Variants in DLC1 observed in about 807,000 individuals in gnomAD.
DLC1 encodes the protein DLC1 Rho GTPase activating protein, also known as rho GTPase-activating protein 7.
DLC1 carries 54 observed loss-of-function variants against 140.3 expected under a neutral mutation model. The observed-to-expected ratio is 0.38, with a 90% CI of 0.31 to 0.48. The LOEUF is 0.48. DLC1 is among the 20% of genes least tolerant of loss of function. DLC1 has a pLI of 0.96. For missense variants in DLC1, 2,536 were observed against 1,907.0 expected (o/e 1.33, Z -6.14); for synonymous variants, 986 against 728.1 (o/e 1.35, Z -5.70).
At chr8:13,587,635 T>C (rs1039034032) in intron 1 of DLC1, among the ~76,000 whole-genome samples, 4 of 148,928 alleles carry the variant, frequency 2.7e-5, no homozygotes, top group African/African-American at 9.8e-5. Context: ...ACATTGCCTA[T>C]ATATATATGT....
chr8:13,189,295 A>T (rs749149074), intron 5 of DLC1, among the ~76,000 whole-genome samples: 1 of 152,120 alleles, frequency 6.6e-6, no homozygotes, highest in Non-Finnish European at 1.5e-5. Context: ...TCTTTGCACC[A>T]ATACAAGTGG....
rs902291687 is a variant in DLC1, at chr8:13,282,604, G to T, written c.1348+22665C>A. On this transcript the variant is annotated intron_variant, in intron 5 of 17. Transcript: ENST00000276297. ...AGGGGGAAATAATTTCCTTTATTTTGTTCTTCATTTTATTTTATTCCTATT... is the reference window on the plus strand; with the variant it reads ...AGGGGGAAATAATTTCCTTTATTTTTTTCTTCATTTTATTTTATTCCTATT... Among the ~76,000 whole-genome samples the T allele has an allele frequency of 1.4e-4, 22 of 152,018 alleles. 3 individuals carry two copies. Among genetic ancestry groups the T allele is most frequent in the Admixed American group, 1.2e-3 (19 of 15,254 alleles).
intron 1 of DLC1, among the ~76,000 whole-genome samples, chr8:13,601,216 A>T (rs1805871739): frequency 6.6e-6 from 1 of 151,782 alleles, no homozygotes; most frequent in Non-Finnish European, 1.5e-5. Flanking sequence ...CCAGTAAGTT[A>T]GCTTTTCTCT....
rs573689651 is a variant in DLC1, at chr8:13,286,938, G to A, written c.1348+18331C>T. On this transcript the variant is annotated intron_variant, in intron 5 of 17. Transcript: ENST00000276297. Reference sequence around the variant, plus strand: ...CAGTCTGCAAACTTCAAGGGAAAGAGGGGATCTGAGGTGAAGGTTGAGCAC... The same window carrying A: ...CAGTCTGCAAACTTCAAGGGAAAGAAGGGATCTGAGGTGAAGGTTGAGCAC... Among the ~76,000 whole-genome samples the A allele has an allele frequency of 1.2e-4, 19 of 152,286 alleles. No individual in the cohort carries two copies. The South Asian group carries it at 3.9e-3, about 32-fold the overall frequency.
chr8:13,165,720 G>C (rs1325225677), intron 5 of DLC1, among the ~76,000 whole-genome samples: 1 of 152,174 alleles, frequency 6.6e-6, no homozygotes, highest in Non-Finnish European at 1.5e-5. Context: ...ACACCTTCCT[G>C]TATTCCCCTA....
At chr8:13,316,103 G>C (rs1258390881) in intron 4 of DLC1, among the ~76,000 whole-genome samples, 1 of 152,186 alleles carries the variant, frequency 6.6e-6, no homozygotes, top group Non-Finnish European at 1.5e-5. Context: ...GCTTAACAAA[G>C]TACACTCAGA....
chr8:13,358,379 A>C (rs549584525), intron 4 of DLC1, among the ~76,000 whole-genome samples: 1 of 152,294 alleles, frequency 6.6e-6, no homozygotes, highest in East Asian at 1.9e-4. Context: ...CCAAGGGTAT[A>C]TGCTCTCTGG....
chr8:13,527,292 A>T (rs997089736), intron 1 of DLC1, among the ~76,000 whole-genome samples: 4 of 152,148 alleles, frequency 2.6e-5, no homozygotes, highest in Non-Finnish European at 5.9e-5. Flanking sequence ...TTCTATCGGA[A>T]AATATACGAA....
intron 5 of DLC1, among the ~76,000 whole-genome samples, chr8:13,266,009 A>C (rs896266910): frequency 4.6e-5 from 7 of 152,216 alleles, no homozygotes; most frequent in African/African-American, 1.4e-4. Flanking sequence ...TGCGGAGCCA[A>C]AGAGCTTTGC....
rs186104314 is a variant in DLC1 at position 13,156,888 on chromosome 8, C to T, written c.1349-41231G>A. ...AATGTATATTTTCCGAGAATACATT[C>T]GGGATAGGCAGAATAGCCACTGTCT... On this transcript the variant is annotated intron_variant, in intron 5 of 17. Transcript: ENST00000276297. 4.6e-5 allele frequency among the ~76,000 whole-genome samples: 7 copies of T among 152,304 alleles called. No individual in the cohort carries two copies. In the East Asian group the frequency reaches 9.6e-4, roughly 21 times the overall value.
At chr8:13,356,679 A>G (rs1288255898) in intron 4 of DLC1, among the ~76,000 whole-genome samples, 2 of 152,078 alleles carry the variant, frequency 1.3e-5, no homozygotes, top group Non-Finnish European at 2.9e-5. Context: ...ATTGGCCTCC[A>G]CTGTTGCTAG....
At chr8:13,156,467 C>T (rs928236548) in intron 5 of DLC1, among the ~76,000 whole-genome samples, 1 of 152,106 alleles carries the variant, frequency 6.6e-6, no homozygotes, top group East Asian at 1.9e-4. Flanking sequence ...GTGTGAGTTG[C>T]CCTGATGAAA....
intron 2 of DLC1, among the ~76,000 whole-genome samples, chr8:13,463,265 C>T (rs994943613): frequency 2.0e-5 from 3 of 151,910 alleles, no homozygotes; most frequent in Admixed American, 6.6e-5. Flanking sequence ...ATTTGTATCT[C>T]GATCATGATC....
chr8:13,375,947 C>G (rs943214700), intron 4 of DLC1, among the ~76,000 whole-genome samples: 4 of 152,110 alleles, frequency 2.6e-5, no homozygotes, highest in African/African-American at 9.7e-5. Flanking sequence ...ATAAGGAGAT[C>G]TAGGATACCT....
chr8:13,422,181 A>T (rs984983965), intron 2 of DLC1, among the ~76,000 whole-genome samples: 7 of 152,154 alleles, frequency 4.6e-5, no homozygotes. Context: ...TGAAGGGTAT[A>T]TATAGCATAT....
At chr8:13,287,644 T>C (rs1012597624) in intron 5 of DLC1, among the ~76,000 whole-genome samples, 2 of 152,184 alleles carry the variant, frequency 1.3e-5, no homozygotes, top group South Asian at 2.1e-4. Context: ...AACATTTCAA[T>C]TGGAAATTGT....
At chr8:13,547,701 G>A (rs1033212799) in intron 1 of DLC1, among the ~76,000 whole-genome samples, 6 of 151,930 alleles carry the variant, frequency 3.9e-5, no homozygotes, top group Admixed American at 2.0e-4. Context: ...TTGTTAGCTC[G>A]ACTAATAACA....
intron 2 of DLC1, among the ~76,000 whole-genome samples, chr8:13,477,171 A>G (rs1409418109): frequency 6.6e-6 from 1 of 151,716 alleles, no homozygotes; most frequent in Non-Finnish European, 1.5e-5. Context: ...GCATGTAGTA[A>G]CCCCAAATCA....
At chr8:13,431,613 CA>C (rs1376406836) in intron 2 of DLC1, among the ~76,000 whole-genome samples, 1 of 149,108 alleles carries the variant, frequency 6.7e-6, no homozygotes, top group Non-Finnish European at 1.5e-5. Flanking sequence ...AATGCCATGG[CA>C]AATATGGCTA....
Sources: gnomAD v4.1 joint callset for allele counts (sites outside exome capture counted in the v4.1 genomes callset) on GRCh38, gnomAD v4.1.1 for gene constraint, MANE v1.5 for transcripts, NCBI Gene and HGNC (gene_info 2026-07-23, HGNC 2026-07-21) for gene names.